Variants in DPP10 observed in about 807,000 individuals in gnomAD.
DPP10 encodes inactive dipeptidyl peptidase 10.
A neutral mutation model predicts 120.9 loss-of-function variants in DPP10; 33 were observed. The ratio of observed to expected loss-of-function variants is 0.27; its 90% CI spans 0.21 to 0.37. The LOEUF (loss-of-function observed/expected upper bound fraction) is 0.37, where lower values mean the gene tolerates loss of function less well. Among genes scored for constraint, DPP10 ranks in the 10% least tolerant of loss-of-function variants. The pLI, the probability that DPP10 is intolerant of heterozygous loss-of-function variation, is 1.00. For missense variants in DPP10, 816 were observed against 942.8 expected, an observed-to-expected ratio of 0.87 and a Z score of 1.76; for synonymous variants, 337 against 326.1, an observed-to-expected ratio of 1.03 and a Z score of -0.36.
chr2:114,580,194 G>T (rs557656282), intron 1 of DPP10, among the ~76,000 whole-genome samples: 7 of 152,304 alleles, frequency 4.6e-5, no homozygotes, highest in African/African-American at 1.4e-4. Context: ...CCATTTAAAA[G>T]AGTTGCCTTC....
At chr2:114,826,919 T>C (rs1487678472) in intron 1 of DPP10, among the ~76,000 whole-genome samples, 2 of 152,232 alleles carry the variant, frequency 1.3e-5, no homozygotes, top group African/African-American at 2.4e-5. Flanking sequence ...CTAATGGTAA[T>C]GAACTGGAGA....
At chr2:115,777,365 G>T (rs138448594) in intron 14 of DPP10, 66 bp downstream of exon 14, 4 of 1,418,996 alleles carry the variant, frequency 2.8e-6, no homozygotes, top group Non-Finnish European at 4.0e-6. Flanking sequence ...TTTTCTAATA[G>T]AATTATGTTT....
At chr2:114,854,941 T>A (rs979986615) in intron 1 of DPP10, among the ~76,000 whole-genome samples, 1 of 152,204 alleles carries the variant, frequency 6.6e-6, no homozygotes, top group Non-Finnish European at 1.5e-5. Context: ...TACAAATAAC[T>A]GAATTCAGAA....
chr2:115,776,570 C>G (rs1396054505), intron 13 of DPP10, among the ~76,000 whole-genome samples: 1 of 152,164 alleles, frequency 6.6e-6, no homozygotes, highest in East Asian at 1.9e-4. Flanking sequence ...TCAGTGTTCT[C>G]TAACTACATA....
intron 11 of DPP10, among the ~76,000 whole-genome samples, chr2:115,762,139 A>C (rs1040668222): frequency 1.3e-5 from 2 of 152,214 alleles, no homozygotes; most frequent in African/African-American, 4.8e-5. Flanking sequence ...CATGATTATG[A>C]GTGAATTGAA....
intron 13 of DPP10, among the ~76,000 whole-genome samples, chr2:115,773,665 C>T (rs1681742448): frequency 6.6e-6 from 1 of 151,994 alleles, no homozygotes; most frequent in Admixed American, 6.6e-5. Context: ...AGAAAAAATG[C>T]TGTTCTTTCC....
At position 115,836,119 on chromosome 2, in the gene DPP10, GATATAT is replaced by G. The variant is rs34212292; in HGVS notation, c.1951-19_1951-14del. The G allele has an allele frequency of 3.9e-3, 2,843 of 724,248 alleles. 1 individual carries two copies. Among genetic ancestry groups the G allele is most frequent in the Admixed American group, 5.5e-3 (145 of 26,538 alleles). The allele number at this position is 724,248 out of a possible 1,614,324, so 44.9% of individuals were successfully genotyped here. A position where few individuals can be genotyped will look rare whatever the true frequency, so the allele number is the denominator to read the frequency against. ...TGTGTATGTGTGTGTGTGTGTGTGA[GATATAT>G]ATATATATATATATATATTTTTCCC... On this transcript the variant is annotated intron_variant, in intron 21 of 25. Transcript: ENST00000410059.
At chr2:115,505,496 A>G (rs985649609) in intron 4 of DPP10, among the ~76,000 whole-genome samples, 1 of 152,122 alleles carries the variant, frequency 6.6e-6, no homozygotes, top group Admixed American at 6.6e-5. Context: ...ACCAACAGGC[A>G]GCTAGATTTA....
chr2:114,484,449 T>C (rs1437367691), intron 1 of DPP10, among the ~76,000 whole-genome samples: 1 of 152,190 alleles, frequency 6.6e-6, no homozygotes, highest in Non-Finnish European at 1.5e-5. Context: ...ATTTTAATTT[T>C]TGAGGTCTTA....
chr2:114,766,325 C>G (rs564549758), intron 1 of DPP10, among the ~76,000 whole-genome samples: 149 of 152,174 alleles, frequency 9.8e-4, no homozygotes, highest in African/African-American at 3.5e-3. Flanking sequence ...CCCTGGATTT[C>G]TTAGACATTT....
intron 5 of DPP10, among the ~76,000 whole-genome samples, chr2:115,532,737 T>C (rs541265256): frequency 7.8e-4 from 119 of 152,164 alleles, no homozygotes; most frequent in African/African-American, 2.7e-3. Flanking sequence ...TGGCAAATCA[T>C]GATATGTTAA....
intron 3 of DPP10, among the ~76,000 whole-genome samples, chr2:115,407,190 A>G (rs1330286187): frequency 6.6e-6 from 1 of 152,182 alleles, no homozygotes; most frequent in Non-Finnish European, 1.5e-5. Context: ...GCAGGTGGGC[A>G]TTATTCAGAA....
chr2:115,724,693 G>T (rs2092724796), intron 7 of DPP10, among the ~76,000 whole-genome samples: 1 of 152,120 alleles, frequency 6.6e-6, no homozygotes, highest in Admixed American at 6.6e-5. Flanking sequence ...GTTTGTTCTT[G>T]CATTGCTATA....
At chr2:114,747,967 T>C (rs1227511225) in intron 1 of DPP10, among the ~76,000 whole-genome samples, 1 of 152,194 alleles carries the variant, frequency 6.6e-6, no homozygotes, top group African/African-American at 2.4e-5. Context: ...TGGCCCCCCA[T>C]GAAATTGAGT....
intron 1 of DPP10, among the ~76,000 whole-genome samples, chr2:114,680,058 T>C (rs947357971): frequency 1.3e-5 from 2 of 152,030 alleles, no homozygotes; most frequent in Non-Finnish European, 2.9e-5. Flanking sequence ...CGAACACTTC[T>C]GTTGGCACAT....
rs181427212 is a variant in DPP10 at position 115,388,699 on chromosome 2, C to A, written c.271+44787C>A. 2.6e-3 allele frequency among the ~76,000 whole-genome samples: 403 copies of A among 152,248 alleles called. 2 individuals are homozygous for A. Among genetic ancestry groups the A allele is most frequent in the African/African-American group, 9.5e-3 (394 of 41,556 alleles). On this transcript the variant is annotated intron_variant, in intron 3 of 25. Transcript: ENST00000410059. The stretch of plus-strand genomic sequence containing the variant: ...TTTTTTTCTCCTACTAGACTATAAA[C>A]CCCTTGATGACAAAAATAGTGTGCA...
At chr2:115,557,557 A>C (rs975156608) in intron 5 of DPP10, among the ~76,000 whole-genome samples, 4 of 152,178 alleles carry the variant, frequency 2.6e-5, no homozygotes, top group African/African-American at 9.7e-5. Context: ...GCCTTTCTAA[A>C]TTCCACATGA....
intron 1 of DPP10, among the ~76,000 whole-genome samples, chr2:114,894,544 T>C (rs1200042146): frequency 6.6e-6 from 1 of 152,200 alleles, no homozygotes; most frequent in Non-Finnish European, 1.5e-5. Flanking sequence ...TGTTTATTTA[T>C]TTATTTATTT....
At chr2:114,782,657 A>G (rs1682436264) in intron 1 of DPP10, among the ~76,000 whole-genome samples, 2 of 152,110 alleles carry the variant, frequency 1.3e-5, no homozygotes, top group Non-Finnish European at 2.9e-5. Flanking sequence ...AGGAATTCAT[A>G]GCATTCAAAG....
Sources: allele counts gnomAD v4.1 joint callset (sites outside exome capture counted in the v4.1 genomes callset), GRCh38; gene constraint gnomAD v4.1.1; transcripts MANE v1.5; gene names NCBI Gene and HGNC (gene_info 2026-07-23, HGNC 2026-07-21).